The following RNF121 variants were observed in gnomAD, a reference collection of about 807,000 sequenced individuals.
RNF121 encodes ring finger protein 121.
Under a neutral mutation model 46.5 loss-of-function variants are expected in RNF121, and 21 were observed. The observed-to-expected ratio is 0.45, with a 90% CI of 0.32 to 0.65. RNF121 has a LOEUF of 0.65. Among genes scored for constraint, RNF121 ranks in the 30% least tolerant of loss-of-function variants. RNF121 has a pLI of 0.04. For synonymous variants in RNF121, 139 were observed against 144.7 expected (o/e 0.96, Z 0.28); for missense variants, 346 against 416.0 (o/e 0.83, Z 1.46).
chr11:71,978,259 G>C (rs1954573617), intron 3 of RNF121: 1 of 440,014 alleles, frequency 2.3e-6, no homozygotes. Context: ...TTATCACATG[G>C]TAGACTGTTC....
chr11:71,995,771 T>A (rs932728003), intron 8 of RNF121, among the ~76,000 whole-genome samples: 3 of 152,254 alleles, frequency 2.0e-5, no homozygotes, highest in African/African-American at 7.2e-5. Context: ...GCAGCCATTG[T>A]CACGGATAGA....
chr11:71,961,311 A>G (rs566165677), intron 3 of RNF121, among the ~76,000 whole-genome samples: 1 of 152,134 alleles, frequency 6.6e-6, no homozygotes, highest in Non-Finnish European at 1.5e-5. Flanking sequence ...TTGTAATCCT[A>G]GTACTTTGGG....
intron 6 of RNF121, among the ~76,000 whole-genome samples, chr11:71,993,362 GT>G (rs1372894875): frequency 1.3e-5 from 2 of 152,172 alleles, no homozygotes; most frequent in Non-Finnish European, 2.9e-5. Context: ...CCATTAAGCA[GT>G]AACTCATTAC....
At chr11:71,974,079 C>T (rs1047671692) in intron 3 of RNF121, among the ~76,000 whole-genome samples, 2 of 151,974 alleles carry the variant, frequency 1.3e-5, no homozygotes, top group Admixed American at 6.6e-5. Context: ...GTAGCTGGGA[C>T]TACAGGTGCC....
At chr11:71,936,792 A>G (rs1033395444) in intron 1 of RNF121, among the ~76,000 whole-genome samples, 4 of 149,826 alleles carry the variant, frequency 2.7e-5, no homozygotes, top group African/African-American at 7.4e-5. Context: ...GAGAGAGAGG[A>G]AGGAAAGATG....
intron 1 of RNF121, among the ~76,000 whole-genome samples, chr11:71,951,937 A>G (rs1953890733): frequency 2.0e-5 from 3 of 152,216 alleles, no homozygotes; most frequent in Admixed American, 2.0e-4. Flanking sequence ...TTAAGCAGAG[A>G]CTTACCATAT....
Position 71,996,413 on chromosome 11 carries a change from A to C in RNF121, c.*98A>C. ...AGACCTCCTGGGTGGGAAAGACTCA[A>C]AGGGGTGCTTGGGCCACTCAGGACC... On this transcript the variant is annotated 3_prime_UTR_variant, in exon 9 of 9. Transcript: ENST00000361756. The C allele has an allele frequency of 8.1e-6, 12 of 1,475,504 alleles. No individual in the cohort carries two copies. Among genetic ancestry groups the C allele is most frequent in the South Asian group, 1.3e-5 (1 of 76,272 alleles). The allele number at this position is 1,475,504 out of a possible 1,614,324, so 91.4% of individuals were successfully genotyped here.
At chr11:71,989,070 T>G (rs1286490351) in intron 5 of RNF121, among the ~76,000 whole-genome samples, 2 of 150,166 alleles carry the variant, frequency 1.3e-5, no homozygotes, top group African/African-American at 2.4e-5. Context: ...CATTATGGTT[T>G]TTTGTTTGTT....
At chr11:71,968,391 T>C (rs1954338367) in intron 3 of RNF121, among the ~76,000 whole-genome samples, 1 of 152,200 alleles carries the variant, frequency 6.6e-6, no homozygotes, top group East Asian at 1.9e-4. Context: ...GGCTAAGTAC[T>C]CTATTGTTTG....
intron 1 of RNF121, among the ~76,000 whole-genome samples, chr11:71,944,571 G>A (rs1267394441): frequency 2.6e-5 from 4 of 152,206 alleles, no homozygotes; most frequent in South Asian, 2.1e-4. Flanking sequence ...AGGTAAAACT[G>A]GAAAGACAGC....
chr11:71,975,754 C>T (rs921598739), intron 3 of RNF121, among the ~76,000 whole-genome samples: 2 of 152,132 alleles, frequency 1.3e-5, no homozygotes, highest in Non-Finnish European at 2.9e-5. Context: ...GGAAAGAAGA[C>T]ATAGTTCTAG....
intron 3 of RNF121, among the ~76,000 whole-genome samples, chr11:71,977,009 T>C (rs1414447524): frequency 1.3e-5 from 2 of 152,246 alleles, no homozygotes; most frequent in South Asian, 2.1e-4. Context: ...TTGTGTTTTC[T>C]TCCAAATCAT....
chr11:71,987,480 A>G (rs1230198498), intron 5 of RNF121, among the ~76,000 whole-genome samples: 1 of 152,210 alleles, frequency 6.6e-6, no homozygotes, highest in African/African-American at 2.4e-5. Context: ...TCCACTCTGC[A>G]TGAATGGCCT....
At chr11:71,987,472 C>T (rs1565161716) in intron 5 of RNF121, among the ~76,000 whole-genome samples, 1 of 152,184 alleles carries the variant, frequency 6.6e-6, no homozygotes, top group Non-Finnish European at 1.5e-5. Context: ...TTGCAGCATC[C>T]ACTCTGCATG....
Position 71,997,212 on chromosome 11 carries a change from G to A in RNF121, c.*897G>A, listed in dbSNP as rs1452407026. On this transcript the variant is annotated 3_prime_UTR_variant, in exon 9 of 9. Coordinates refer to ENST00000361756, the MANE Select transcript of RNF121 (RefSeq NM_018320.5). Reference sequence around the variant, plus strand: ...CCTAAGAGTGCGTATGCGTGTGTGTGTGTGTGTGTGTGTGTACGTGAGGCA... The same window carrying A: ...CCTAAGAGTGCGTATGCGTGTGTGTATGTGTGTGTGTGTGTACGTGAGGCA... 1 of 151,914 alleles carries A rather than the reference G, an allele frequency of 6.6e-6. No homozygotes were observed. Among genetic ancestry groups the A allele is most frequent in the East Asian group, 1.9e-4 (1 of 5,194 alleles). 9.4% of individuals were successfully genotyped at this position (151,914 alleles called of 1,614,324 possible).
intron 6 of RNF121, among the ~76,000 whole-genome samples, chr11:71,992,674 T>C (rs1395518833): frequency 6.6e-6 from 1 of 152,166 alleles, no homozygotes; most frequent in African/African-American, 2.4e-5. Context: ...AAAGGAAATA[T>C]AGGTTTCAAA....
chr11:71,950,514 G>T (rs768744942), intron 1 of RNF121, among the ~76,000 whole-genome samples: 1 of 151,420 alleles, frequency 6.6e-6, no homozygotes, highest in Non-Finnish European at 1.5e-5. Context: ...AACCCAGGAG[G>T]TGGAGGTTGC....
intron 1 of RNF121, among the ~76,000 whole-genome samples, chr11:71,935,973 G>T (rs1435985431): frequency 6.7e-6 from 1 of 148,658 alleles, no homozygotes. Context: ...TCAGCCTCCT[G>T]AGTAGCTGGG....
At chr11:71,970,774 C>G (rs189009840) in intron 3 of RNF121, among the ~76,000 whole-genome samples, 41 of 151,994 alleles carry the variant, frequency 2.7e-4, no homozygotes, top group African/African-American at 9.7e-4. Flanking sequence ...TTTTCTCTAC[C>G]TAAAGTTCAA....
Sources: gnomAD v4.1 joint callset for allele counts (sites outside exome capture counted in the v4.1 genomes callset) on GRCh38, gnomAD v4.1.1 for gene constraint, MANE v1.5 for transcripts, NCBI Gene and HGNC (gene_info 2026-07-23, HGNC 2026-07-21) for gene names.